The following RPH3A variants were observed in gnomAD, a reference collection of about 807,000 sequenced individuals.
RPH3A encodes rabphilin-3A.
In RPH3A, 48 loss-of-function variants were observed where a neutral mutation model predicts 102.2. The observed-to-expected ratio is 0.47, with a 90% CI of 0.37 to 0.60. The LOEUF (loss-of-function observed/expected upper bound fraction) is 0.60. RPH3A is among the 20% of genes least tolerant of loss of function. RPH3A has a pLI of 0.00. For missense variants in RPH3A, 781 were observed against 910.1 expected, an observed-to-expected ratio of 0.86 and a Z score of 1.83; for synonymous variants, 310 against 324.3, an observed-to-expected ratio of 0.96 and a Z score of 0.47.
chr12:112,894,086 T>G (rs2043142158), intron 19 of RPH3A: 1 of 165,260 alleles, frequency 6.1e-6, no homozygotes. Context: ...TTTTGAGAAG[T>G]GGAGTGACAA....
chr12:112,870,305 C>T (rs1279557296), intron 10 of RPH3A, among the ~76,000 whole-genome samples: 6 of 133,570 alleles, frequency 4.5e-5, no homozygotes, highest in South Asian at 2.5e-4. Context: ...TTTTTCTCCC[C>T]GCCTCAAAAA....
chr12:112,733,583 C>A (rs762108272), intron 1 of RPH3A, among the ~76,000 whole-genome samples: 1 of 152,092 alleles, frequency 6.6e-6, no homozygotes. Context: ...AGTGACGAGG[C>A]CTTAGTACCC....
rs555585587 is a variant in RPH3A, at chr12:112,802,874, T to C, written c.-19+10611T>C. ...CTGTCCTCTCCCCAGAGCCTGGGTT[T>C]CCTCCTGTAACACCGACGTTGCCTC... On this transcript the variant is annotated intron_variant, in intron 2 of 21. Coordinates refer to ENST00000389385, the MANE Select transcript of RPH3A (RefSeq NM_001143854.2). Among the ~76,000 whole-genome samples the C allele has an allele frequency of 2.0e-5, 3 of 152,262 alleles. No individual in the cohort carries two copies. The East Asian group carries it at 5.8e-4, about 29-fold the overall frequency.
At chr12:112,643,161 C>A (rs2039902972) in intron 1 of RPH3A, among the ~76,000 whole-genome samples, 1 of 152,158 alleles carries the variant, frequency 6.6e-6, no homozygotes, top group Non-Finnish European at 1.5e-5. Context: ...CAGCCTGGCT[C>A]CCGAATCTGT....
intron 2 of RPH3A, among the ~76,000 whole-genome samples, chr12:112,801,798 C>G (rs1245766522): frequency 6.6e-6 from 1 of 152,168 alleles, no homozygotes; most frequent in African/African-American, 2.4e-5. Context: ...ATACCCCATT[C>G]CCCTCCATTC....
At chr12:112,798,942 T>C (rs995835238) in intron 2 of RPH3A, among the ~76,000 whole-genome samples, 1 of 152,076 alleles carries the variant, frequency 6.6e-6, no homozygotes, top group African/African-American at 2.4e-5. Context: ...CTTCCTCATC[T>C]CATCTTTAAG....
At chr12:112,701,736 G>A (rs1421465974) in intron 1 of RPH3A, among the ~76,000 whole-genome samples, 1 of 152,186 alleles carries the variant, frequency 6.6e-6, no homozygotes, top group East Asian at 1.9e-4. Flanking sequence ...TTGAGACAAA[G>A]AGACAGTAAT....
At chr12:112,844,237 G>GT (rs1461242157) in intron 4 of RPH3A, among the ~76,000 whole-genome samples, 3 of 152,188 alleles carry the variant, frequency 2.0e-5, no homozygotes, top group Non-Finnish European at 4.4e-5. Flanking sequence ...ATCACATTAT[G>GT]TTATATAAGA....
intron 4 of RPH3A, among the ~76,000 whole-genome samples, chr12:112,838,174 T>A (rs1310773076): frequency 6.6e-6 from 1 of 152,140 alleles, no homozygotes; most frequent in African/African-American, 2.4e-5. Context: ...GAAGAAGTGA[T>A]GTGTAAGCTG....
In RPH3A at chr12:112,844,257, G is replaced by A. The variant is rs139620888; in HGVS notation, c.84-3439G>A. On this transcript the variant is annotated intron_variant, in intron 4 of 21. Coordinates refer to ENST00000389385, the MANE Select transcript of RPH3A (RefSeq NM_001143854.2). ...ATTATGTTATATAAGACTCTGTCTC[G>A]GGTGACAAGAGCTAGAGATGCTCCT... Among the ~76,000 whole-genome samples the A allele has an allele frequency of 2.3e-3, 352 of 152,236 alleles. 2 individuals are homozygous for A. The highest frequency in any genetic ancestry group is 7.7e-3 in the African/African-American group (319 of 41,534).
chr12:112,700,360 A>G (rs964166131), intron 1 of RPH3A, among the ~76,000 whole-genome samples: 1 of 152,178 alleles, frequency 6.6e-6, no homozygotes, highest in African/African-American at 2.4e-5. Flanking sequence ...GATTTTTAAG[A>G]TATTATAGAT....
intron 1 of RPH3A, among the ~76,000 whole-genome samples, chr12:112,650,078 T>C (rs146187100): frequency 1.2e-4 from 19 of 152,324 alleles, no homozygotes; most frequent in Non-Finnish European, 2.4e-4. Context: ...ACCATTATCA[T>C]CATATATTAG....
chr12:112,719,575 G>A (rs189106969), intron 1 of RPH3A, among the ~76,000 whole-genome samples: 2 of 152,222 alleles, frequency 1.3e-5, no homozygotes. Context: ...ATGAGGGCAG[G>A]GACCATATCT....
chr12:112,737,517 G>A (rs1277752048), intron 1 of RPH3A, among the ~76,000 whole-genome samples: 1 of 152,122 alleles, frequency 6.6e-6, no homozygotes, highest in African/African-American at 2.4e-5. Flanking sequence ...AAGGGAATCT[G>A]GAATATTCGA....
At chr12:112,641,344 TA>T (rs2039888550) in intron 1 of RPH3A, among the ~76,000 whole-genome samples, 1 of 152,234 alleles carries the variant, frequency 6.6e-6, no homozygotes, top group Non-Finnish European at 1.5e-5. Context: ...GAGACAGTGT[TA>T]AATGTGGTCA....
intron 1 of RPH3A, among the ~76,000 whole-genome samples, chr12:112,666,826 C>T (rs2040086132): frequency 6.6e-6 from 1 of 152,176 alleles, no homozygotes; most frequent in Non-Finnish European, 1.5e-5. Flanking sequence ...TGGAGCCCAA[C>T]TCTTAATGTC....
chr12:112,858,266 CAAAAAAAAAAAAAA>C (rs1164602599), intron 5 of RPH3A, among the ~76,000 whole-genome samples: 5 of 44,768 alleles, frequency 1.1e-4, no homozygotes, highest in African/African-American at 3.8e-4. Flanking sequence ...GACCCTGTCT[CAAAAAAAAAAAAAA>C]AAAAAAAAAA....
chr12:112,860,909 C>A (rs1394071077), intron 5 of RPH3A, among the ~76,000 whole-genome samples: 1 of 152,188 alleles, frequency 6.6e-6, no homozygotes, highest in Non-Finnish European at 1.5e-5. Context: ...CTCCATGAGC[C>A]CACTTCGTTG....
intron 1 of RPH3A, among the ~76,000 whole-genome samples, chr12:112,663,823 C>G (rs1206944591): frequency 6.6e-6 from 1 of 152,150 alleles, no homozygotes; most frequent in Non-Finnish European, 1.5e-5. Flanking sequence ...CCCAAAGCTA[C>G]AGAATCACAT....
Sources: allele counts gnomAD v4.1 joint callset (sites outside exome capture counted in the v4.1 genomes callset), GRCh38; gene constraint gnomAD v4.1.1; transcripts MANE v1.5; gene names NCBI Gene and HGNC (gene_info 2026-07-23, HGNC 2026-07-21).